HMGXB4: variants seen among roughly 807,000 people sequenced by gnomAD.
HMGXB4 encodes the protein HMG domain-containing protein 4.
In HMGXB4, 27 loss-of-function variants were observed where a neutral mutation model predicts 63.9. That is an observed-to-expected ratio of 0.42 (90% CI 0.31 to 0.58). The LOEUF (loss-of-function observed/expected upper bound fraction) is 0.58, where lower values mean the gene tolerates loss of function less well. Among genes scored for constraint, HMGXB4 ranks in the 20% least tolerant of loss-of-function variants. The pLI is 0.13. For synonymous variants in HMGXB4, 264 were observed against 265.3 expected, an observed-to-expected ratio of 0.99 and a Z score of 0.05; for missense variants, 624 against 700.7, an observed-to-expected ratio of 0.89 and a Z score of 1.24.
At chr22:35,274,323 G>A (rs777689286) in intron 5 of HMGXB4, among the ~76,000 whole-genome samples, 1 of 152,232 alleles carries the variant, frequency 6.6e-6, no homozygotes, top group Non-Finnish European at 1.5e-5. Context: ...GGCACAGGAT[G>A]TTCAGAGAAA....
chr22:35,243,048 T>C, the HMGXB4 span, among the ~76,000 whole-genome samples: 4 of 152,212 alleles, frequency 2.6e-5, no homozygotes, highest in African/African-American at 7.2e-5. Context: ...ATGTAGTCCA[T>C]CTTGGCATAT....
At chr22:35,256,964 G>A (rs777911934), upstream of HMGXB4, among the ~76,000 whole-genome samples, 1 of 152,206 alleles carries the variant, frequency 6.6e-6, no homozygotes, top group African/African-American at 2.4e-5. Context: ...GATTCGCCAT[G>A]CAAATTATTT....
chr22:35,279,447 T>A lies in HMGXB4; in HGVS notation c.1216-4515T>A, dbSNP rs1010854929. 3.3e-5 allele frequency among the ~76,000 whole-genome samples: 5 copies of A among 152,182 alleles called. No individual in the cohort carries two copies. In the East Asian group the frequency reaches 9.7e-4, roughly 29 times the overall value. ...AGCCACTGCGCCCGGTGTCTTTTTATTTTTTTAAGTGTCTTTTGCAGAGCA... is the reference window on the plus strand; with the variant it reads ...AGCCACTGCGCCCGGTGTCTTTTTAATTTTTTAAGTGTCTTTTGCAGAGCA... On this transcript the variant is annotated intron_variant, in intron 5 of 10. Transcript: ENST00000216106.
At chr22:35,251,019 G>A in the HMGXB4 span, among the ~76,000 whole-genome samples, 27 of 152,080 alleles carry the variant, frequency 1.8e-4, 1 homozygote, top group Admixed American at 7.9e-4. Context: ...TACAGACAAT[G>A]GGGGATGGAC....
upstream of HMGXB4, among the ~76,000 whole-genome samples, chr22:35,253,978 A>T (rs940575480): frequency 5.9e-5 from 9 of 152,210 alleles, no homozygotes; most frequent in African/African-American, 2.2e-4. Context: ...AGGTCCTGTC[A>T]CTTCTAGCAA....
At chr22:35,245,162 G>T in the HMGXB4 span, among the ~76,000 whole-genome samples, 1 of 152,134 alleles carries the variant, frequency 6.6e-6, no homozygotes. Flanking sequence ...GTGAGCCACT[G>T]CACCCGGCCC....
intron 5 of HMGXB4, among the ~76,000 whole-genome samples, chr22:35,282,302 G>T (rs1263755075): frequency 6.6e-6 from 1 of 152,060 alleles, no homozygotes; most frequent in Non-Finnish European, 1.5e-5. Context: ...TCAGCCTCCC[G>T]AGTAGCTGGG....
intron 5 of HMGXB4, among the ~76,000 whole-genome samples, chr22:35,268,954 G>T (rs1362259533): frequency 6.6e-6 from 1 of 152,130 alleles, no homozygotes; most frequent in Non-Finnish European, 1.5e-5. Context: ...CCCCTCATTA[G>T]AATTAACGTC....
chr22:35,259,673 T>G (rs1922713545), intron 1 of HMGXB4, among the ~76,000 whole-genome samples: 2 of 152,214 alleles, frequency 1.3e-5, no homozygotes, highest in Admixed American at 1.3e-4. Context: ...ACGTAGAAAT[T>G]CAGGGCCCAT....
intron 6 of HMGXB4, 87 bp from the exon 7 acceptor site, chr22:35,285,910 C>T: frequency 1.0e-6 from 1 of 961,108 alleles, no homozygotes; most frequent in Non-Finnish European, 1.6e-6. Context: ...GCTTCAAAAC[C>T]CTTTTCCAGT....
intron 5 of HMGXB4, among the ~76,000 whole-genome samples, chr22:35,275,083 G>A (rs1165932063): frequency 6.7e-6 from 1 of 148,258 alleles, no homozygotes; most frequent in East Asian, 2.0e-4. Context: ...ACAGTGGCTC[G>A]TACGTAGTAT....
intron 1 of HMGXB4, chr22:35,262,092 A>G (rs1366709213): frequency 2.8e-6 from 1 of 354,120 alleles, no homozygotes; most frequent in Non-Finnish European, 5.2e-6. Context: ...TATTTTATAT[A>G]CTTCCCCAAA....
rs751304115 is a variant in HMGXB4 at position 35,263,198 on chromosome 22, T to A, written c.152T>A (p.Val51Asp). ...GAAGAGGAAGAAATTGCTGCTCAGG[T>A]CAGGAATTCTTCCAAGAAGAAGTTG... ...LREEEEIAAQ[V>D]RNSSKKKLKD... The change falls in exon 3 of 11, where the codon GTC (valine) becomes GAC (aspartate). Residue 51 changes from valine to aspartate, a missense_variant. Val to Asp is a radical substitution (Grantham distance 152). This residue lies in a region of HMGXB4 where 472 missense variants were observed against 470.6 expected (regional missense o/e 1.00). Coordinates refer to ENST00000216106, the MANE Select transcript of HMGXB4 (RefSeq NM_001003681.3). 1.2e-6 allele frequency: 2 copies of A among 1,613,380 alleles called. No individual in the cohort carries two copies. The highest frequency in any genetic ancestry group is 1.7e-6 in the Non-Finnish European group (2 of 1,179,698).
At chr22:35,290,647 A>AAG (rs1451633335) in intron 9 of HMGXB4, among the ~76,000 whole-genome samples, 1 of 150,866 alleles carries the variant, frequency 6.6e-6, no homozygotes, top group Non-Finnish European at 1.5e-5. Flanking sequence ...AAAAAAAAAA[A>AAG]AAAAAAGAAA....
upstream of HMGXB4, among the ~76,000 whole-genome samples, chr22:35,253,449 A>G (rs1336672105): frequency 2.0e-5 from 3 of 152,206 alleles, no homozygotes; most frequent in African/African-American, 4.8e-5. Context: ...CATAGGGGAC[A>G]TTTATTATTT....
intron 9 of HMGXB4, among the ~76,000 whole-genome samples, chr22:35,290,371 C>A (rs555994057): frequency 6.6e-6 from 1 of 151,824 alleles, no homozygotes; most frequent in African/African-American, 2.4e-5. Flanking sequence ...ACCAGCCAGG[C>A]GCGGTGGCTC....
upstream of HMGXB4, among the ~76,000 whole-genome samples, chr22:35,255,827 T>C (rs1490982712): frequency 6.6e-6 from 1 of 152,214 alleles, no homozygotes; most frequent in African/African-American, 2.4e-5. Flanking sequence ...AATACATCAT[T>C]AGGGCTCTTA....
At chr22:35,276,501 G>A (rs1923922103) in intron 5 of HMGXB4, among the ~76,000 whole-genome samples, 1 of 152,222 alleles carries the variant, frequency 6.6e-6, no homozygotes, top group Non-Finnish European at 1.5e-5. Context: ...GGTTCTTAGA[G>A]TGGAATGAGT....
At chr22:35,282,240 A>C (rs1351907012) in intron 5 of HMGXB4, among the ~76,000 whole-genome samples, 1 of 152,154 alleles carries the variant, frequency 6.6e-6, no homozygotes, top group African/African-American at 2.4e-5. Flanking sequence ...GCAGTGGTGC[A>C]ATCTCGGCTT....
Sources: gnomAD v4.1 joint callset for allele counts (sites outside exome capture counted in the v4.1 genomes callset) on GRCh38, gnomAD v4.1.1 for gene constraint, gnomAD v4.1.1 regional missense constraint, MANE v1.5 for transcripts, NCBI Gene and HGNC (gene_info 2026-07-23, HGNC 2026-07-21) for gene names.